The following PLB1 variants were observed in gnomAD, a reference collection of about 807,000 sequenced individuals.
The protein encoded by PLB1 is phospholipase B1, membrane-associated.
In PLB1, 242 loss-of-function variants were observed where a neutral mutation model predicts 227.4. The ratio of observed to expected loss-of-function variants is 1.06; its 90% confidence interval spans 0.96 to 1.18. The LOEUF is 1.18. PLB1 is among the 50% of genes most tolerant of loss of function. PLB1 has a pLI of 0.00. For synonymous variants in PLB1, 757 were observed against 682.2 expected (o/e 1.11, Z -1.71); for missense variants, 1,858 against 1,816.3 (o/e 1.02, Z -0.42).
chr2:28,525,791 C>G, intron 5 of PLB1, 114 bp from the exon 6 acceptor site: 2 of 1,321,314 alleles, frequency 1.5e-6, no homozygotes, highest in South Asian at 1.4e-5. Flanking sequence ...AATCCCAGAA[C>G]CAGAGCAAGG....
intron 12 of PLB1, among the ~76,000 whole-genome samples, chr2:28,540,674 G>A (rs1046209063): frequency 5.3e-5 from 8 of 152,176 alleles, no homozygotes; most frequent in Non-Finnish European, 1.0e-4. Flanking sequence ...TGCGAGTTGG[G>A]GGACAGTGGG....
At position 28,522,499 on chromosome 2, in the gene PLB1, C is replaced by T. The variant is rs577166393; in HGVS notation, c.243+2736C>T. ...AGATAGCAGGCTGACTTTGCTACAC[C>T]TGTGTGTCTGTGCACACCGATATTT... is the stretch of plus-strand genomic sequence containing the variant. On this transcript the variant is annotated intron_variant, in intron 4 of 57. Transcript: ENST00000327757. 3.3e-5 allele frequency among the ~76,000 whole-genome samples: 5 copies of T among 152,266 alleles called. No homozygotes were observed. In the South Asian group the frequency reaches 8.3e-4, roughly 25 times the overall value.
chr2:28,527,236 A>G (rs764057028), intron 6 of PLB1, among the ~76,000 whole-genome samples: 3 of 152,100 alleles, frequency 2.0e-5, no homozygotes, highest in African/African-American at 7.2e-5. Context: ...GCCCCTCTCT[A>G]AGCAGAGGGG....
chr2:28,622,304 C>T (rs2148328916), intron 49 of PLB1, among the ~76,000 whole-genome samples: 1 of 152,258 alleles, frequency 6.6e-6, no homozygotes, highest in South Asian at 2.1e-4. Context: ...GCTGTGTGAC[C>T]TTGGGCAAGT....
At chr2:28,575,036 G>T (rs1678696784) in intron 21 of PLB1, among the ~76,000 whole-genome samples, 1 of 152,228 alleles carries the variant, frequency 6.6e-6, no homozygotes, top group East Asian at 1.9e-4. Flanking sequence ...ATACCCAGAA[G>T]TGGGATGGCT....
chr2:28,539,209 CTG>C, intron 11 of PLB1, 31 bp downstream of exon 11: 1 of 1,571,592 alleles, frequency 6.4e-7, no homozygotes. Flanking sequence ...AGACACGCAT[CTG>C]TGACACGGCT....
intron 46 of PLB1, 88 bp downstream of exon 46, chr2:28,618,487 C>T: frequency 7.3e-7 from 1 of 1,366,446 alleles, no homozygotes. Flanking sequence ...ATTGGCTCCG[C>T]TTTCAGTGCT....
chr2:28,638,521 C>T (rs529033209), intron 56 of PLB1, among the ~76,000 whole-genome samples: 57 of 152,152 alleles, frequency 3.7e-4, no homozygotes, highest in African/African-American at 1.3e-3. Context: ...CTGGAAAGAC[C>T]ACTAGGAGGC....
intron 17 of PLB1, among the ~76,000 whole-genome samples, chr2:28,556,611 C>T (rs958544537): frequency 6.6e-6 from 1 of 152,118 alleles, no homozygotes; most frequent in African/African-American, 2.4e-5. Flanking sequence ...CATATTGGGC[C>T]TACTAGTGAG....
Position 28,578,141 on chromosome 2 carries a change from C to T in PLB1, c.1468C>T (p.Leu490=), listed in dbSNP as rs1023858332. 2 of 1,614,126 alleles carry T rather than the reference C, an allele frequency of 1.2e-6. No homozygotes were observed. Among genetic ancestry groups the T allele is most frequent in the Non-Finnish European group, 1.7e-6 (2 of 1,179,990 alleles). Residue 490 remains leucine (L), a synonymous_variant, in exon 22 of 58, where the codon CTG becomes TTG. Coordinates refer to ENST00000327757, the MANE Select transcript of PLB1 (RefSeq NM_153021.5). Reference sequence around the variant, plus strand: ...TGTCCAGGCCAGGAGGCTGGTGGACCTGATGAAGAATGACACGGTGGGTCC... The same window carrying T: ...TGTCCAGGCCAGGAGGCTGGTGGACTTGATGAAGAATGACACGGTGGGTCC... ...LPVQARRLVD[L]MKNDTRIHFQ... is the part of the protein sequence containing the mutation.
Position 28,525,279 on chromosome 2 carries a change from G to C in PLB1, c.256G>C (p.Gly86Arg), listed in dbSNP as rs1174772003. Residue 86 changes from glycine (G) to arginine (R), a missense_variant, in exon 5 of 58, where the codon GGG (glycine) becomes CGG (arginine). By Grantham distance (125) the Gly-to-Arg change is moderately radical. Transcript: ENST00000327757. ...IGNLEIPPDP[G>R]TGDLEKQDWT... ...GTATCTATTCCAGCCTCCAGACCCA[G>C]GGACGGGCGATCTGGAGAAGCAAGA... The C allele has an allele frequency of 6.2e-7, 1 of 1,613,632 alleles. No homozygotes were observed. The highest frequency in any genetic ancestry group is 8.5e-7 in the Non-Finnish European group (1 of 1,179,958).
chr2:28,567,713 C>T (rs572675485), intron 20 of PLB1, among the ~76,000 whole-genome samples: 4 of 152,242 alleles, frequency 2.6e-5, no homozygotes, highest in East Asian at 1.9e-4. Context: ...ACTTCGTGAT[C>T]TGCCCGCCTT....
chr2:28,552,994 A>G lies in PLB1; in HGVS notation c.1147+3A>G. 1 of 1,612,762 alleles carries G rather than the reference A, an allele frequency of 6.2e-7. No homozygotes were observed. The highest frequency in any genetic ancestry group is 8.5e-7 in the Non-Finnish European group (1 of 1,178,744). On this transcript the variant is annotated splice_donor_region_variant and intron_variant, in intron 17 of 57. Transcript: ENST00000327757. ...CTCCGATACGGTTCCCACCTCAGGT[A>G]CACAGCTTGCACCCAGTGATTTTAA...
At chr2:28,557,633 G>A (rs887844381) in intron 17 of PLB1, among the ~76,000 whole-genome samples, 1 of 152,162 alleles carries the variant, frequency 6.6e-6, no homozygotes, top group Non-Finnish European at 1.5e-5. Context: ...TCATGGCTTG[G>A]ATGGCCTTCT....
chr2:28,549,577 A>G (rs937268543), intron 15 of PLB1, among the ~76,000 whole-genome samples: 3 of 151,740 alleles, frequency 2.0e-5, no homozygotes, highest in African/African-American at 7.3e-5. Flanking sequence ...CACCACACCC[A>G]GCTAATTTTT....
Position 28,585,804 on chromosome 2 carries a change from G to A in PLB1, c.1777G>A (p.Glu593Lys), listed in dbSNP as rs1484236552. Residue 593 changes from glutamate to lysine, a missense_variant, in exon 26 of 58, where the codon GAA becomes AAA. Coordinates refer to ENST00000327757, the MANE Select transcript of PLB1 (RefSeq NM_153021.5). ...CCTGAAGTTTGATGATAACTCAACA[G>A]AACTTGCTACCCTCATCGAATTCAA... ...CVLKFDDNST[E>K]LATLIEFNKK... 2 of 1,612,788 alleles carry A rather than the reference G, an allele frequency of 1.2e-6. 1 individual carries two copies. The highest frequency in any genetic ancestry group is 2.2e-5 in the South Asian group (2 of 91,050).
At chr2:28,565,397 G>A (rs1676718456) in intron 19 of PLB1, 44 bp downstream of exon 19, 1 of 1,541,202 alleles carries the variant, frequency 6.5e-7, no homozygotes, top group African/African-American at 1.4e-5. Context: ...CTTCATTGCA[G>A]AGCAAGGGAA....
At chr2:28,569,543 C>G (rs1443876441) in intron 20 of PLB1, among the ~76,000 whole-genome samples, 1 of 152,060 alleles carries the variant, frequency 6.6e-6, no homozygotes, top group African/African-American at 2.4e-5. Context: ...ATACTACCAA[C>G]CTTACAGAAA....
intron 26 of PLB1, 148 bp downstream of exon 26, chr2:28,585,990 A>G (rs1313940619): frequency 1.5e-6 from 1 of 677,036 alleles, no homozygotes; most frequent in African/African-American, 1.8e-5. Flanking sequence ...ACCCTGAGAC[A>G]CAGCAGGGGC....
Sources: gnomAD v4.1 joint callset for allele counts (sites outside exome capture counted in the v4.1 genomes callset) on GRCh38, gnomAD v4.1.1 for gene constraint, MANE v1.5 for transcripts, NCBI Gene and HGNC (gene_info 2026-07-23, HGNC 2026-07-21) for gene names.